The following RABGAP1 variants were observed in gnomAD, a reference collection of about 807,000 sequenced individuals.
The protein encoded by RABGAP1 is rab GTPase-activating protein 1.
In RABGAP1, 23 loss-of-function variants were observed where a neutral mutation model predicts 137.6. The ratio of observed to expected loss-of-function variants is 0.17; its 90% CI spans 0.12 to 0.24. The LOEUF is 0.24. RABGAP1 is among the 10% of genes least tolerant of loss of function. The pLI, the probability that RABGAP1 is intolerant of heterozygous loss-of-function variation, is 1.00. For missense variants in RABGAP1, 906 were observed against 1,275.8 expected (o/e 0.71, Z 4.42); for synonymous variants, 451 against 450.7 (o/e 1.00, Z -0.01).
intron 13 of RABGAP1, among the ~76,000 whole-genome samples, chr9:123,049,362 A>G (rs2132053549): frequency 6.6e-6 from 1 of 152,236 alleles, no homozygotes; most frequent in South Asian, 2.1e-4. Context: ...TAAAGGGAGT[A>G]GAGTCATTTG....
intron 19 of RABGAP1, chr9:123,089,469 A>C: frequency 3.3e-6 from 1 of 299,346 alleles, no homozygotes; most frequent in Non-Finnish European, 6.3e-6. Context: ...ATTAGGGACA[A>C]ATAGGACCCA....
At chr9:123,047,384 T>C (rs1377551492) in intron 13 of RABGAP1, among the ~76,000 whole-genome samples, 1 of 152,210 alleles carries the variant, frequency 6.6e-6, no homozygotes, top group Non-Finnish European at 1.5e-5. Flanking sequence ...CTAGTAACTT[T>C]TAAAGTAGCT....
chr9:123,078,565 T>C (rs765460973), intron 19 of RABGAP1, among the ~76,000 whole-genome samples: 12 of 152,216 alleles, frequency 7.9e-5, no homozygotes, highest in Non-Finnish European at 1.0e-4. Context: ...GCACAAAGCA[T>C]AGATAGAACC....
At chr9:123,038,393 GCCCACCT>G (rs1161859414) in intron 13 of RABGAP1, among the ~76,000 whole-genome samples, 1 of 151,982 alleles carries the variant, frequency 6.6e-6, no homozygotes, top group African/African-American at 2.4e-5. Flanking sequence ...TAAATGCATT[GCCCACCT>G]CCTTGAACTT....
In RABGAP1 at chr9:123,097,765, A is replaced by T. The variant is rs748909568; in HGVS notation, c.2653A>T (p.Asn885Tyr). 1.9e-6 allele frequency: 3 copies of T among 1,612,938 alleles called. No individual in the cohort carries two copies. The highest frequency in any genetic ancestry group is 3.4e-5 in the Admixed American group (2 of 59,668). ...GGCTGAGGAAAAGGCAGATGCTCTG[A>T]ATAAGGAGCTGCTGATGACCAAACA... ...DNAEEKADAL[N>Y]KELLMTKQKL... is the part of the protein sequence containing the mutation. Residue 885 changes from asparagine to tyrosine, a missense_variant, in exon 22 of 26, where the codon AAT becomes TAT. Asn to Tyr is a moderately radical substitution (Grantham distance 143). This residue lies in a region of RABGAP1 where 193 missense variants were observed against 248.1 expected (regional missense o/e 0.78). Transcript: ENST00000373647.
chr9:122,950,738 A>T (rs559522124), intron 1 of RABGAP1, among the ~76,000 whole-genome samples: 1 of 152,236 alleles, frequency 6.6e-6, no homozygotes, highest in Non-Finnish European at 1.5e-5. Flanking sequence ...AAAAGAAAAT[A>T]TAACACAAAT....
intron 13 of RABGAP1, among the ~76,000 whole-genome samples, chr9:123,055,783 C>T (rs2033669363): frequency 6.6e-6 from 1 of 152,124 alleles, no homozygotes; most frequent in African/African-American, 2.4e-5. Flanking sequence ...CTCCTGACCT[C>T]AGGTGATCCG....
intron 12 of RABGAP1, among the ~76,000 whole-genome samples, chr9:123,019,686 T>TTTG (rs1554718961): frequency 6.7e-6 from 1 of 150,124 alleles, no homozygotes; most frequent in Non-Finnish European, 1.5e-5. Context: ...TTTGCTCTTT[T>TTTG]TTTGTTTGTT....
chr9:122,974,211 T>C (rs186520606), intron 2 of RABGAP1, among the ~76,000 whole-genome samples: 1 of 152,092 alleles, frequency 6.6e-6, no homozygotes, highest in Admixed American at 6.5e-5. Context: ...TGTGTGAGAA[T>C]GTAATTGTTG....
At chr9:122,964,807 A>G (rs781454440) in intron 2 of RABGAP1, among the ~76,000 whole-genome samples, 5 of 152,276 alleles carry the variant, frequency 3.3e-5, no homozygotes, top group Admixed American at 1.3e-4. Flanking sequence ...CCTGGGCAAC[A>G]TACGGAGACT....
chr9:123,039,884 T>C (rs2032868262), intron 13 of RABGAP1, among the ~76,000 whole-genome samples: 1 of 148,594 alleles, frequency 6.7e-6, no homozygotes, highest in Non-Finnish European at 1.5e-5. Flanking sequence ...GTTTTCTAGC[T>C]CTGTCTTTCC....
At chr9:123,069,511 T>G (rs537611353) in intron 14 of RABGAP1, among the ~76,000 whole-genome samples, 41 of 151,096 alleles carry the variant, frequency 2.7e-4, no homozygotes, top group African/African-American at 7.3e-4. Flanking sequence ...GCTGAGGCAG[T>G]AGGATCACTT....
intron 13 of RABGAP1, among the ~76,000 whole-genome samples, chr9:123,057,225 T>G (rs1481916478): frequency 1.4e-5 from 2 of 141,036 alleles, no homozygotes; most frequent in Non-Finnish European, 3.1e-5. Context: ...ACGGGGTGGC[T>G]GCCGGGCGGA....
chr9:123,057,163 C>T (rs1409584035), intron 13 of RABGAP1, among the ~76,000 whole-genome samples: 2 of 151,790 alleles, frequency 1.3e-5, no homozygotes, highest in Non-Finnish European at 2.9e-5. Flanking sequence ...CTGACCCCCA[C>T]CTCCCTCCCG....
rs2031572175 is a variant in RABGAP1 at position 123,020,692 on chromosome 9, C to T, written c.1794+233C>T. On this transcript the variant is annotated intron_variant, in intron 13 of 25. Transcript: ENST00000373647. ...AGGTGTCTTCTAGCCCATTGTATAT[C>T]CAGATTCTTTTTTGAGTGTAAATAA... Among the ~76,000 whole-genome samples, 4 of 152,082 alleles carry T rather than the reference C, an allele frequency of 2.6e-5. No individual in the cohort carries two copies. In the South Asian group the frequency reaches 8.3e-4, roughly 32 times the overall value.
At chr9:123,017,930 T>A (rs2031350381) in intron 12 of RABGAP1, among the ~76,000 whole-genome samples, 1 of 152,248 alleles carries the variant, frequency 6.6e-6, no homozygotes, top group African/African-American at 2.4e-5. Context: ...CTGGTTTATT[T>A]AACTCTATAT....
At chr9:123,037,971 A>C (rs553623184) in intron 13 of RABGAP1, among the ~76,000 whole-genome samples, 49 of 152,326 alleles carry the variant, frequency 3.2e-4, no homozygotes, top group African/African-American at 1.2e-3. Context: ...TTTATATGGC[A>C]TGTGACTGGT....
intron 13 of RABGAP1, among the ~76,000 whole-genome samples, chr9:123,053,365 A>T (rs2033567686): frequency 6.6e-6 from 1 of 152,228 alleles, no homozygotes; most frequent in Non-Finnish European, 1.5e-5. Flanking sequence ...ATGACAAATG[A>T]CATGAGTGCT....
intron 1 of RABGAP1, among the ~76,000 whole-genome samples, chr9:122,953,509 C>G (rs577734668): frequency 6.6e-6 from 1 of 151,888 alleles, no homozygotes; most frequent in South Asian, 2.1e-4. Flanking sequence ...TCAAGCAATT[C>G]TCTTGCCTCA....
Sources: allele counts gnomAD v4.1 joint callset (sites outside exome capture counted in the v4.1 genomes callset), GRCh38; gene constraint gnomAD v4.1.1; regional missense constraint gnomAD v4.1.1; transcripts MANE v1.5; gene names NCBI Gene and HGNC (gene_info 2026-07-23, HGNC 2026-07-21).